Variants in PSTPIP1 observed in about 807,000 individuals in gnomAD.
The protein encoded by PSTPIP1 is proline-serine-threonine phosphatase-interacting protein 1.
A neutral mutation model predicts 69.6 loss-of-function variants in PSTPIP1; 66 were observed. The ratio of observed to expected loss-of-function variants is 0.95; its 90% CI spans 0.78 to 1.16. The LOEUF is 1.16. Among genes scored for constraint, PSTPIP1 ranks in the 50% most tolerant of loss-of-function variants. The pLI is 0.00. For missense variants in PSTPIP1, 603 were observed against 557.4 expected, an observed-to-expected ratio of 1.08 and a Z score of -0.82; for synonymous variants, 266 against 222.7, an observed-to-expected ratio of 1.19 and a Z score of -1.73.
intron 1 of PSTPIP1, among the ~76,000 whole-genome samples, chr15:77,000,615 C>T (rs2075687719): frequency 6.6e-6 from 1 of 152,138 alleles, no homozygotes; most frequent in Non-Finnish European, 1.5e-5. Context: ...TCTCATCACA[C>T]AACTGCTAAT....
In PSTPIP1 at chr15:77,027,959, C is replaced by A. The variant is rs1183770313; in HGVS notation, c.417+45C>A. On this transcript the variant is annotated intron_variant, in intron 6 of 14. Transcript: ENST00000558012. This position sits in a 1 kb window ranked among gnomAD's most constrained non-coding sequence, Gnocchi z 4.3. ...GCCGCGGCCTTCCCTCGAGGAGCAG[C>A]GCAGGTCTCAGGGTGCGATCCTGGG... 2 of 1,491,402 alleles carry A rather than the reference C, an allele frequency of 1.3e-6. No individual in the cohort carries two copies. The highest frequency in any genetic ancestry group is 2.0e-5 in the Admixed American group (1 of 50,930). The allele number at this position is 1,491,402 out of a possible 1,614,324, so 92.4% of individuals were successfully genotyped here.
In PSTPIP1 at chr15:77,035,841, A is replaced by G; in HGVS notation, c.1025A>G (p.Glu342Gly). 6.2e-7 allele frequency: 1 copy of G among 1,610,310 alleles called. No homozygotes were observed. The highest frequency in any genetic ancestry group is 8.5e-7 in the Non-Finnish European group (1 of 1,179,622). Residue 342 changes from glutamate (E) to glycine (G), a missense_variant, in exon 14 of 15, where the codon GAG (glutamate) becomes GGG (glycine). Transcript: ENST00000558012. ...ETLTPTPERN[E>G]GVYTAIAVQE... ...CTGACCCCCACCCCCGAGCGGAATG[A>G]GGGTGTCTACACAGCCATCGCAGTG...
intron 1 of PSTPIP1, among the ~76,000 whole-genome samples, chr15:77,000,516 C>CAG (rs2075685667): frequency 6.6e-6 from 1 of 151,342 alleles, no homozygotes; most frequent in Non-Finnish European, 1.5e-5. Flanking sequence ...CACACACACA[C>CAG]TTTCTAAAGA....
chr15:77,005,551 A>T (rs1444497563), intron 1 of PSTPIP1, among the ~76,000 whole-genome samples: 1 of 152,210 alleles, frequency 6.6e-6, no homozygotes, highest in African/African-American at 2.4e-5. Flanking sequence ...ACAATTTTTA[A>T]GTATATGATT....
intron 1 of PSTPIP1, among the ~76,000 whole-genome samples, chr15:77,007,325 T>C (rs148060762): frequency 8.5e-4 from 130 of 152,308 alleles, no homozygotes; most frequent in Middle Eastern, 3.4e-3. Flanking sequence ...ATCAGACTTC[T>C]GGCCCTGTGC....
intron 1 of PSTPIP1, among the ~76,000 whole-genome samples, chr15:77,011,608 CCT>C (rs2075936035): frequency 6.6e-6 from 1 of 152,226 alleles, no homozygotes; most frequent in Non-Finnish European, 1.5e-5. Context: ...CCTTCTTGGC[CCT>C]CTGTCTTCAA....
rs766707210 is a variant in PSTPIP1, at chr15:77,030,515, G to A, written c.576G>A (p.Arg192=). ...CTGCGCTTTCAGAGCGGGTATACAG[G>A]CAGAGCATTGCGCAGCTGGAGAAGG... ...DSATEAERVY[R]QSIAQLEKVR... Residue 192 remains arginine (R), a synonymous_variant, in exon 9 of 15, where the codon AGG becomes AGA. Transcript: ENST00000558012. 4.3e-6 allele frequency: 7 copies of A among 1,612,610 alleles called. No homozygotes were observed. Among genetic ancestry groups the A allele is most frequent in the Non-Finnish European group, 5.1e-6 (6 of 1,179,654 alleles).
At chr15:77,014,394 C>T (rs947693592) in intron 1 of PSTPIP1, among the ~76,000 whole-genome samples, 3 of 152,132 alleles carry the variant, frequency 2.0e-5, no homozygotes, top group Non-Finnish European at 2.9e-5. Flanking sequence ...GCCAGGGTCA[C>T]GGGAGGTGTG....
At chr15:77,014,704 G>T (rs1472970901) in intron 1 of PSTPIP1, among the ~76,000 whole-genome samples, 2 of 152,370 alleles carry the variant, frequency 1.3e-5, no homozygotes, top group East Asian at 1.9e-4. Flanking sequence ...AGCCGTGGGG[G>T]TGTGGAGGGC....
At position 77,037,218 on chromosome 15, in the gene PSTPIP1, G is replaced by A. The variant is rs922999150; in HGVS notation, c.*42G>A. On this transcript the variant is annotated 3_prime_UTR_variant, in exon 15 of 15. Transcript: ENST00000558012. The stretch of plus-strand genomic sequence containing the variant: ...CCTTCGGACCTGCCCTGCCAGTGGA[G>A]CCAGCAGTGCCCCCAGCACTGTCCC... 10 of 1,558,414 alleles carry A rather than the reference G, an allele frequency of 6.4e-6. No individual in the cohort carries two copies. The highest frequency in any genetic ancestry group is 2.0e-4 in the Middle Eastern group (1 of 4,956).
chr15:77,007,830 G>A (rs972829933), intron 1 of PSTPIP1: 28 of 446,604 alleles, frequency 6.3e-5, no homozygotes, highest in East Asian at 2.8e-4. Flanking sequence ...TCCTGACCTC[G>A]TGATCTGCCC....
chr15:77,037,108 G>A lies in PSTPIP1; in HGVS notation c.1183G>A (p.Gly395Ser), dbSNP rs142544259. The change falls in exon 15 of 15, where the codon GGC becomes AGC. Residue 395 changes from glycine (G) to serine (S), a missense_variant. Coordinates refer to ENST00000558012, the MANE Select transcript of PSTPIP1 (RefSeq NM_003978.5). ...ILEVILEGED[G>S]WWTVERNGQR... ...GGAGGTGATCCTGGAAGGGGAGGAT[G>A]GCTGGTGGACTGTGGAGAGGAACGG... 16 of 1,612,414 alleles carry A rather than the reference G, an allele frequency of 9.9e-6. No individual in the cohort carries two copies. The East Asian group carries it at 2.0e-4, about 20-fold the overall frequency.
Position 77,037,073 on chromosome 15 carries a change from G to GAGAC in PSTPIP1, c.1150_1153dup (p.Ile385ArgfsTer80). 3 of 1,612,344 alleles carry GAGAC rather than the reference G, an allele frequency of 1.9e-6. No homozygotes were observed. The African/African-American group carries it at 4.0e-5, about 21-fold the overall frequency. ...CCAGATGAGCTGGACCTGTCCGCGG[G>GAGAC]AGACATCCTGGAGGTGATCCTGGAA... On this transcript the variant is annotated frameshift_variant, in exon 15 of 15. Coordinates refer to ENST00000558012, the MANE Select transcript of PSTPIP1 (RefSeq NM_003978.5). LOFTEE classifies it high-confidence loss of function.
At position 77,018,171 on chromosome 15, in the gene PSTPIP1, G is replaced by A. The variant is rs572721166; in HGVS notation, c.60G>A (p.Thr20=). 1.0e-5 allele frequency: 16 copies of A among 1,587,122 alleles called. No homozygotes were observed. Among genetic ancestry groups the A allele is most frequent in the African/African-American group, 2.7e-5 (2 of 74,418 alleles). The part of the protein sequence containing the change: ...AFWCRDFTAH[T]GYEVLLQRLL... ...AGTGCAGGGACTTCACAGCCCACAC[G>A]GGCTACGAGGTGCTGCTGCAGCGGC... Residue 20 remains threonine, a synonymous_variant, in exon 2 of 15, where the codon ACG becomes ACA. Transcript: ENST00000558012.
At position 77,003,488 on chromosome 15, in the gene PSTPIP1, TACTAAA is replaced by T. The variant is rs2075753434; in HGVS notation, c.36+7884_36+7889del. Among the ~76,000 whole-genome samples, 3 of 152,164 alleles carry T rather than the reference TACTAAA, an allele frequency of 2.0e-5. No individual in the cohort carries two copies. The East Asian group carries it at 5.8e-4, about 29-fold the overall frequency. Reference sequence around the variant, plus strand: ...GGCCACCATGGTGAAACCCTGTCTCTACTAAAACTACAAAAAAATTAGCGGGGCATG... The same window carrying T: ...GGCCACCATGGTGAAACCCTGTCTCTACTACAAAAAAATTAGCGGGGCATG... On this transcript the variant is annotated intron_variant, in intron 1 of 14. Coordinates refer to ENST00000558012, the MANE Select transcript of PSTPIP1 (RefSeq NM_003978.5).
In PSTPIP1 at chr15:76,995,460, G is replaced by T; in HGVS notation, c.-114G>T. On this transcript the variant is annotated 5_prime_UTR_variant, in exon 1 of 15. Coordinates refer to ENST00000558012, the MANE Select transcript of PSTPIP1 (RefSeq NM_003978.5). ...GAGTGTTGCAGACGGCGCCGGCCGG[G>T]AAGGGGGGCCTGGGCCAGCCCTGCC... The T allele has an allele frequency of 6.3e-7, 1 of 1,577,582 alleles. No individual in the cohort carries two copies. Among genetic ancestry groups the T allele is most frequent in the Non-Finnish European group, 8.6e-7 (1 of 1,163,566 alleles).
chr15:77,022,880 C>A (rs180897374), intron 3 of PSTPIP1, among the ~76,000 whole-genome samples: 1 of 152,254 alleles, frequency 6.6e-6, no homozygotes, highest in Non-Finnish European at 1.5e-5. Flanking sequence ...GCCCAGGTAC[C>A]CCAGACAGAG....
rs909224024 is a variant in PSTPIP1, at chr15:77,029,693, C to T, written c.562+119C>T. On this transcript the variant is annotated intron_variant, in intron 8 of 14. Coordinates refer to ENST00000558012, the MANE Select transcript of PSTPIP1 (RefSeq NM_003978.5). ...CCTGGCTGCACAATCATGGGCGCGG[C>T]GCTCTCATTCCAGATATGTGCCGTC... is the stretch of plus-strand genomic sequence containing the variant. 4.2e-5 allele frequency: 48 copies of T among 1,151,478 alleles called. No homozygotes were observed. In the East Asian group the frequency reaches 9.7e-4, roughly 23 times the overall value. The allele number at this position is 1,151,478 out of a possible 1,614,324, so 71.3% of individuals were successfully genotyped here.
At chr15:77,018,741 C>A (rs1362463781) in intron 3 of PSTPIP1, among the ~76,000 whole-genome samples, 1 of 152,136 alleles carries the variant, frequency 6.6e-6, no homozygotes, top group Non-Finnish European at 1.5e-5. Context: ...TGGAAAGGGT[C>A]TGGGCAGGGG....
Sources: allele counts gnomAD v4.1 joint callset (sites outside exome capture counted in the v4.1 genomes callset), GRCh38; gene constraint gnomAD v4.1.1; non-coding constraint Gnocchi (gnomAD v3.1); transcripts MANE v1.5; gene names NCBI Gene and HGNC (gene_info 2026-07-23, HGNC 2026-07-21).